Variants in DPP6 observed in about 807,000 individuals in gnomAD.
DPP6 encodes A-type potassium channel modulatory protein DPP6.
In DPP6, 69 loss-of-function variants were observed where a neutral mutation model predicts 122.6. The ratio of observed to expected loss-of-function variants is 0.56; its 90% CI spans 0.46 to 0.69. The LOEUF is 0.69. DPP6 is among the 30% of genes least tolerant of loss of function. The probability of loss-of-function intolerance (pLI) is 0.00; values close to 1 mark genes in which losing one functional copy is unlikely to be tolerated. For synonymous variants in DPP6, 418 were observed against 433.1 expected, an observed-to-expected ratio of 0.97 and a Z score of 0.43; for missense variants, 928 against 1,116.9, an observed-to-expected ratio of 0.83 and a Z score of 2.41.
chr7:154,491,889 A>G (rs1586440298), intron 3 of DPP6, among the ~76,000 whole-genome samples: 5 of 152,118 alleles, frequency 3.3e-5, no homozygotes, highest in African/African-American at 4.8e-5. Flanking sequence ...CTTCCCTTCC[A>G]GCGTTAAGTT....
intron 1 of DPP6, among the ~76,000 whole-genome samples, chr7:154,189,170 G>A (rs533999735): frequency 6.6e-6 from 1 of 152,236 alleles, no homozygotes; most frequent in Non-Finnish European, 1.5e-5. Context: ...GAGGTAAGAT[G>A]AGATCGTGAT....
the DPP6 span, among the ~76,000 whole-genome samples, chr7:153,759,575 T>C: frequency 6.6e-6 from 1 of 151,966 alleles, no homozygotes; most frequent in Non-Finnish European, 1.5e-5. Flanking sequence ...TCAGGTGAAC[T>C]GCCTGCCTTG....
At chr7:154,670,281 T>C (rs886681167) in intron 7 of DPP6, among the ~76,000 whole-genome samples, 5 of 152,210 alleles carry the variant, frequency 3.3e-5, no homozygotes, top group Non-Finnish European at 5.9e-5. Context: ...GCTATCTTCA[T>C]GGATTCCTTC....
At chr7:153,832,750 A>AT in the DPP6 span, among the ~76,000 whole-genome samples, 3 of 119,272 alleles carry the variant, frequency 2.5e-5, no homozygotes, top group Admixed American at 8.1e-5. Context: ...TTTAGCAGTG[A>AT]TTTTTTTCTG....
intron 1 of DPP6, among the ~76,000 whole-genome samples, chr7:153,976,428 G>A (rs1796305590): frequency 6.6e-6 from 1 of 152,200 alleles, no homozygotes; most frequent in Non-Finnish European, 1.5e-5. Flanking sequence ...CTGGTTTAAA[G>A]TAAAGCTTCC....
chr7:154,365,822 G>C (rs182868904), intron 1 of DPP6, among the ~76,000 whole-genome samples: 148 of 152,256 alleles, frequency 9.7e-4, no homozygotes, highest in African/African-American at 3.5e-3. Context: ...GCCACACGTG[G>C]TGGCGGACGC....
At chr7:154,194,312 A>G (rs1286014965) in intron 1 of DPP6, among the ~76,000 whole-genome samples, 1 of 152,258 alleles carries the variant, frequency 6.6e-6, no homozygotes, top group African/African-American at 2.4e-5. Flanking sequence ...GAAGGGAATT[A>G]TCATAAAAAT....
At chr7:154,334,267 G>A (rs1809207671) in intron 1 of DPP6, among the ~76,000 whole-genome samples, 1 of 151,750 alleles carries the variant, frequency 6.6e-6, no homozygotes, top group Non-Finnish European at 1.5e-5. Context: ...CGGCTGCTCT[G>A]CCAGGAATGT....
chr7:153,862,926 AAAG>A, the DPP6 span, among the ~76,000 whole-genome samples: 1 of 152,230 alleles, frequency 6.6e-6, no homozygotes. Flanking sequence ...ATACGTGAGA[AAAG>A]AAATAGACCA....
In DPP6 at chr7:154,803,930, G is replaced by C; in HGVS notation, c.1474G>C (p.Ala492Pro). Reference sequence around the variant, plus strand: ...GGACTGGGACGTGACCAAGATCCTAGCCTACGATGAGAAGGGGAATAAGAT... The same window carrying C: ...GGACTGGGACGTGACCAAGATCCTACCCTACGATGAGAAGGGGAATAAGAT... ...SGDWDVTKIL[A>P]YDEKGNKIYF... Residue 492 changes from alanine to proline, a missense_variant, in exon 14 of 26, where the codon GCC (alanine) becomes CCC (proline). Coordinates refer to ENST00000377770, the MANE Select transcript of DPP6 (RefSeq NM_130797.4). 1 of 1,613,876 alleles carries C rather than the reference G, an allele frequency of 6.2e-7. No individual in the cohort carries two copies. The highest frequency in any genetic ancestry group is 8.5e-7 in the Non-Finnish European group (1 of 1,179,832).
intron 1 of DPP6, among the ~76,000 whole-genome samples, chr7:154,310,080 G>A (rs1585895071): frequency 6.6e-6 from 1 of 152,214 alleles, no homozygotes; most frequent in Non-Finnish European, 1.5e-5. Context: ...GCTGATGTGT[G>A]AAGGATTTGA....
At chr7:154,127,595 TCTCACACA>T (rs1200040551) in intron 1 of DPP6, among the ~76,000 whole-genome samples, 1 of 57,766 alleles carries the variant, frequency 1.7e-5, no homozygotes, top group East Asian at 4.8e-4. Context: ...AGGAGCAGCA[TCTCACACA>T]CACACACACA....
chr7:154,720,591 G>A, intron 7 of DPP6, among the ~76,000 whole-genome samples: 1 of 152,200 alleles, frequency 6.6e-6, no homozygotes, highest in Non-Finnish European at 1.5e-5. Context: ...AGGATGGCAG[G>A]GCCCCCCGGC....
At chr7:154,637,660 G>A (rs1284300006) in intron 5 of DPP6, among the ~76,000 whole-genome samples, 161 bp from the exon 6 acceptor site, 1 of 152,178 alleles carries the variant, frequency 6.6e-6, no homozygotes, top group Non-Finnish European at 1.5e-5. Flanking sequence ...AACAGGATAT[G>A]CAAATTGACT....
chr7:153,891,171 A>G (rs933423135), intron 1 of DPP6, among the ~76,000 whole-genome samples: 8 of 150,450 alleles, frequency 5.3e-5, no homozygotes, highest in Admixed American at 3.3e-4. Context: ...ACAGGCGCCC[A>G]CCACCATGCC....
At chr7:153,954,996 T>C (rs1802393651) in intron 1 of DPP6, among the ~76,000 whole-genome samples, 1 of 152,250 alleles carries the variant, frequency 6.6e-6, no homozygotes, top group Middle Eastern at 3.4e-3. Context: ...TGATGGTTGG[T>C]GGGTGTGTAG....
intron 1 of DPP6, among the ~76,000 whole-genome samples, chr7:153,955,312 A>G (rs940530340): frequency 1.3e-5 from 2 of 152,224 alleles, no homozygotes; most frequent in African/African-American, 2.4e-5. Context: ...TAAAGAAATC[A>G]TCATCATTAT....
At chr7:154,176,168 A>G (rs1797792859) in intron 1 of DPP6, among the ~76,000 whole-genome samples, 1 of 152,218 alleles carries the variant, frequency 6.6e-6, no homozygotes, top group Non-Finnish European at 1.5e-5. Context: ...ATTGAGTAAA[A>G]GTGTGGATTC....
chr7:154,240,611 C>T (rs1240285343), intron 1 of DPP6, among the ~76,000 whole-genome samples: 1 of 152,162 alleles, frequency 6.6e-6, no homozygotes, highest in Non-Finnish European at 1.5e-5. Context: ...AATCCTGCAT[C>T]CTTAATGTTT....
Sources: gnomAD v4.1 joint callset for allele counts (sites outside exome capture counted in the v4.1 genomes callset) on GRCh38, gnomAD v4.1.1 for gene constraint, MANE v1.5 for transcripts, NCBI Gene and HGNC (gene_info 2026-07-23, HGNC 2026-07-21) for gene names.